The following AGT variants were observed in gnomAD, a reference collection of about 807,000 sequenced individuals.
The protein encoded by AGT is alpha-1 antiproteinase, antitrypsin.
AGT carries 26 observed loss-of-function variants against 28.1 expected under a neutral mutation model. The ratio of observed to expected loss-of-function variants is 0.92; its 90% CI spans 0.68 to 1.28. AGT has a LOEUF of 1.28. Ranked by LOEUF, AGT falls within the 50% of genes most tolerant of loss-of-function variation. The probability of loss-of-function intolerance (pLI) is 0.00; values close to 1 mark genes in which losing one functional copy is unlikely to be tolerated. For missense variants in AGT, 596 were observed against 592.3 expected, an observed-to-expected ratio of 1.01 and a Z score of -0.06; for synonymous variants, 259 against 259.6, an observed-to-expected ratio of 1.00 and a Z score of 0.02.
chr1:230,741,393 C>T (rs975353938), intron 1 of AGT, among the ~76,000 whole-genome samples: 8 of 152,222 alleles, frequency 5.3e-5, no homozygotes, highest in Non-Finnish European at 7.3e-5. Context: ...CGAGCCTATG[C>T]GCCTACAAGC....
At chr1:230,712,689 C>T (rs537627416) in intron 1 of AGT, among the ~76,000 whole-genome samples, 1 of 152,326 alleles carries the variant, frequency 6.6e-6, no homozygotes, top group African/African-American at 2.4e-5. Context: ...GCTCAGGCAG[C>T]GTCTCCAGAG....
chr1:230,711,833 A>G (rs1430263403), intron 1 of AGT, among the ~76,000 whole-genome samples: 1 of 135,894 alleles, frequency 7.4e-6, no homozygotes, highest in African/African-American at 2.9e-5. Flanking sequence ...AAAAAAAAAA[A>G]AATAGAAAAT....
chr1:230,719,621 G>A lies in AGT; in HGVS notation c.-30-8768C>T, dbSNP rs567245209. The stretch of plus-strand genomic sequence containing the variant: ...ACGGGGTTTCACCGTGTTAGCCAGG[G>A]TGGTCTCGATCTCCTGACCTCGTGA... On this transcript the variant is annotated intron_variant, in intron 1 of 4. Coordinates refer to the AGT transcript ENST00000681269. 1.9e-3 allele frequency among the ~76,000 whole-genome samples: 295 copies of A among 151,788 alleles called. 2 individuals carry two copies. Among genetic ancestry groups the A allele is most frequent in the African/African-American group, 6.8e-3 (281 of 41,412 alleles).
rs150700257 is a variant in AGT at position 230,706,058 on chromosome 1, T to C, written c.972A>G (p.Gln324=). ...SDIQDNFSVT[Q]VPFTESACLL... ...GGCAGGCGCTCTCAGTGAAGGGCAC[T>C]TGAGTCACCGAGAAGTTGTCCTGGA... The change falls in exon 3 of 5, where the codon CAA becomes CAG. Residue 324 remains glutamine (Q), a synonymous_variant. Coordinates refer to ENST00000366667, the MANE Select transcript of AGT (RefSeq NM_001384479.1). The C allele has an allele frequency of 6.2e-7, 1 of 1,614,086 alleles. No homozygotes were observed. Among genetic ancestry groups the C allele is most frequent in the African/African-American group, 1.3e-5 (1 of 75,030 alleles).
intron 1 of AGT, among the ~76,000 whole-genome samples, chr1:230,713,453 C>T (rs1400714708): frequency 6.6e-6 from 1 of 152,174 alleles, no homozygotes; most frequent in South Asian, 2.1e-4. Flanking sequence ...ACGCTGCCCT[C>T]GAATAAAATT....
At chr1:230,729,957 C>T (rs1291333781) in intron 1 of AGT, among the ~76,000 whole-genome samples, 2 of 151,800 alleles carry the variant, frequency 1.3e-5, no homozygotes, top group African/African-American at 2.4e-5. Flanking sequence ...GTCAGGAGAT[C>T]GAAACCATCC....
chr1:230,723,337 C>A (rs1273603041), intron 1 of AGT, among the ~76,000 whole-genome samples: 1 of 152,160 alleles, frequency 6.6e-6, no homozygotes, highest in Non-Finnish European at 1.5e-5. Flanking sequence ...CTAATACAGG[C>A]AGTTATGTGC....
chr1:230,721,971 A>G (rs1663853084), intron 1 of AGT, among the ~76,000 whole-genome samples: 1 of 151,890 alleles, frequency 6.6e-6, no homozygotes, highest in Non-Finnish European at 1.5e-5. Flanking sequence ...CAAGACAATG[A>G]GGAAAATGGC....
chr1:230,730,664 G>A (rs573883258), intron 1 of AGT, among the ~76,000 whole-genome samples: 1 of 152,300 alleles, frequency 6.6e-6, no homozygotes, highest in South Asian at 2.1e-4. Flanking sequence ...ATTGCTTGTG[G>A]TGTGTAACAC....
chr1:230,740,688 C>T (rs957829208), intron 1 of AGT, among the ~76,000 whole-genome samples: 3 of 152,266 alleles, frequency 2.0e-5, no homozygotes, highest in East Asian at 3.9e-4. Context: ...CGGTGGCTCA[C>T]GCCTGTAATC....
intron 1 of AGT, among the ~76,000 whole-genome samples, chr1:230,721,292 T>C (rs950705295): frequency 3.9e-5 from 6 of 152,234 alleles, no homozygotes; most frequent in Non-Finnish European, 8.8e-5. Flanking sequence ...AACAGCCATT[T>C]TGCAACCATG....
At chr1:230,731,424 T>C (rs1324865557) in intron 1 of AGT, among the ~76,000 whole-genome samples, 1 of 152,220 alleles carries the variant, frequency 6.6e-6, no homozygotes, top group Non-Finnish European at 1.5e-5. Context: ...TCCCCAAGGC[T>C]GCCCATTGCA....
At chr1:230,709,644 AC>A in intron 2 of AGT, among the ~76,000 whole-genome samples, 1 of 152,024 alleles carries the variant, frequency 6.6e-6, no homozygotes, top group East Asian at 1.9e-4. Context: ...CAATCCCAGG[AC>A]CCCCACTGGT....
At chr1:230,726,353 A>G (rs1275169347) in intron 1 of AGT, among the ~76,000 whole-genome samples, 1 of 152,108 alleles carries the variant, frequency 6.6e-6, no homozygotes, top group Non-Finnish European at 1.5e-5. Flanking sequence ...GAATCCAAGC[A>G]TTTTGTCCTC....
intron 4 of AGT, 129 bp downstream of exon 4, chr1:230,704,064 G>A: frequency 2.9e-6 from 4 of 1,394,826 alleles, no homozygotes; most frequent in Non-Finnish European, 4.0e-6. Context: ...CCCACCTTTG[G>A]CCCTACTCTC....
At chr1:230,707,100 G>T (rs1290004677) in intron 2 of AGT, among the ~76,000 whole-genome samples, 1 of 152,236 alleles carries the variant, frequency 6.6e-6, no homozygotes. Context: ...TGGGGGCAGG[G>T]GTGAGCCCTC....
intron 1 of AGT, among the ~76,000 whole-genome samples, chr1:230,744,030 A>C (rs1443518328): frequency 2.0e-5 from 3 of 152,230 alleles, no homozygotes; most frequent in Non-Finnish European, 4.4e-5. Context: ...AACATGATGC[A>C]TGGCCCCCGC....
At position 230,740,241 on chromosome 1, in the gene AGT, G is replaced by T. The variant is rs189925031; in HGVS notation, c.-31+5274C>A. ...TAATGAGCAGTGAGGACGAACAGAG[G>T]TCACTTTCATCGCCATCTTGGTTTT... On this transcript the variant is annotated intron_variant, in intron 1 of 4. Transcript: ENST00000681269. Among the ~76,000 whole-genome samples, 15 of 152,282 alleles carry T rather than the reference G, an allele frequency of 9.9e-5. No homozygotes were observed. In the East Asian group the frequency reaches 2.3e-3, roughly 24 times the overall value.
upstream of AGT, among the ~76,000 whole-genome samples, chr1:230,717,737 T>C (rs1414482025): frequency 6.6e-6 from 1 of 152,218 alleles, no homozygotes; most frequent in African/African-American, 2.4e-5. Context: ...CTTCCCAGCA[T>C]TTCTGGTCCT....
Sources: gnomAD v4.1 joint callset for allele counts (sites outside exome capture counted in the v4.1 genomes callset) on GRCh38, gnomAD v4.1.1 for gene constraint, MANE v1.5 for transcripts, NCBI Gene and HGNC (gene_info 2026-07-23, HGNC 2026-07-21) for gene names.